Variants in SRGAP2C observed in about 807,000 individuals in gnomAD.
The protein encoded by SRGAP2C is SLIT-ROBO Rho GTPase-activating protein 2C.
A neutral mutation model predicts 25.1 loss-of-function variants in SRGAP2C; 15 were observed. The observed-to-expected ratio is 0.60, with a 90% CI of 0.40 to 0.92. The LOEUF (loss-of-function observed/expected upper bound fraction) is 0.92. Among genes scored for constraint, SRGAP2C ranks in the 40% least tolerant of loss-of-function variants. The pLI, the probability that SRGAP2C is intolerant of heterozygous loss-of-function variation, is 0.00. For missense variants in SRGAP2C, 144 were observed against 264.4 expected (o/e 0.54, Z 3.16); for synonymous variants, 44 against 96.6 (o/e 0.46, Z 3.19).
intron 3 of SRGAP2C, among the ~76,000 whole-genome samples, chr1:121,299,600 C>T (rs1286342325): frequency 2.5e-5 from 2 of 80,024 alleles, no homozygotes; most frequent in Non-Finnish European, 4.9e-5. Flanking sequence ...GGATGCTGAG[C>T]TGTGTTTGCT....
At chr1:121,273,641 T>C (rs587673207) in intron 2 of SRGAP2C, among the ~76,000 whole-genome samples, 1 of 151,738 alleles carries the variant, frequency 6.6e-6, no homozygotes, top group African/African-American at 2.4e-5. Flanking sequence ...GGATGATTGC[T>C]TGGTCTTGTG....
intron 2 of SRGAP2C, among the ~76,000 whole-genome samples, chr1:121,202,324 C>G (rs1553321813): frequency 6.6e-6 from 1 of 152,110 alleles, no homozygotes; most frequent in Non-Finnish European, 1.5e-5. Context: ...TTTCCTGTCC[C>G]CTCCCCTCCT....
At chr1:121,366,764 T>C (rs1659332935) in intron 5 of SRGAP2C, among the ~76,000 whole-genome samples, 1 of 151,656 alleles carries the variant, frequency 6.6e-6, no homozygotes, top group African/African-American at 2.4e-5. Flanking sequence ...TCTTTTATTT[T>C]CCTGTAAGCA....
At chr1:121,316,080 CT>C (rs1266201525) in intron 3 of SRGAP2C, among the ~76,000 whole-genome samples, 1 of 128,948 alleles carries the variant, frequency 7.8e-6, no homozygotes, top group Non-Finnish European at 1.6e-5. Context: ...TTTTTTTTCC[CT>C]CCTTTTCATT....
rs1553339392 is a variant in SRGAP2C at position 121,306,095 on chromosome 1, G to C, written c.261-18383G>C. The stretch of plus-strand genomic sequence containing the variant: ...GTCCTTTTCATATAGAGAAGGTAAG[G>C]CTGGGACCTCTGTGTCTGTGGGTAC... On this transcript the variant is annotated intron_variant, in intron 3 of 9. Transcript: ENST00000367123. 1.2e-4 allele frequency among the ~76,000 whole-genome samples: 18 copies of C among 152,282 alleles called. No individual in the cohort carries two copies. The South Asian group carries it at 3.5e-3, about 30-fold the overall frequency.
chr1:121,313,979 T>C lies in SRGAP2C; in HGVS notation c.261-10499T>C, dbSNP rs1395583454. Among the ~76,000 whole-genome samples the C allele has an allele frequency of 1.9e-4, 27 of 140,694 alleles. No individual in the cohort carries two copies. The South Asian group carries it at 3.3e-3, about 17-fold the overall frequency. 92.3% of individuals were successfully genotyped at this position (140,694 alleles called of 152,430 possible). A position where few individuals can be genotyped will look rare whatever the true frequency, so the allele number is the denominator to read the frequency against. The stretch of plus-strand genomic sequence containing the variant: ...TGAATCTGAACGTTGGCCTGCCTTG[T>C]TAGATTGGGGAAGTTCTCCTGGATA... On this transcript the variant is annotated intron_variant, in intron 3 of 9. Transcript: ENST00000367123.
At chr1:121,260,270 G>A (rs587705044) in intron 2 of SRGAP2C, among the ~76,000 whole-genome samples, 64 of 151,746 alleles carry the variant, frequency 4.2e-4, no homozygotes, top group African/African-American at 1.4e-3. Flanking sequence ...TGTAAGCCAC[G>A]TGGATATTGG....
intron 3 of SRGAP2C, among the ~76,000 whole-genome samples, chr1:121,303,250 CT>C (rs1289095306): frequency 3.2e-5 from 4 of 126,358 alleles, no homozygotes; most frequent in Non-Finnish European, 6.6e-5. Flanking sequence ...TAAGGAAGAG[CT>C]TTTCCATCAC....
chr1:121,293,215 T>C (rs1209018300), intron 3 of SRGAP2C, among the ~76,000 whole-genome samples: 1 of 87,582 alleles, frequency 1.1e-5, no homozygotes, highest in Admixed American at 1.1e-4. Flanking sequence ...GAACAAACGC[T>C]GATGGATAAC....
chr1:121,297,078 G>A (rs1553338399), intron 3 of SRGAP2C, among the ~76,000 whole-genome samples: 13 of 152,078 alleles, frequency 8.5e-5, no homozygotes, highest in African/African-American at 3.1e-4. Flanking sequence ...TTGCCCAGAT[G>A]TAGCACCTGG....
chr1:121,315,625 C>G (rs1658080736), intron 3 of SRGAP2C, among the ~76,000 whole-genome samples: 1 of 149,158 alleles, frequency 6.7e-6, no homozygotes, highest in South Asian at 2.1e-4. Context: ...GCACACAAGC[C>G]AATGGACATA....
At chr1:121,303,822 T>C (rs1657754195) in intron 3 of SRGAP2C, among the ~76,000 whole-genome samples, 1 of 152,060 alleles carries the variant, frequency 6.6e-6, no homozygotes, top group Non-Finnish European at 1.5e-5. Flanking sequence ...TCCTGTTCTC[T>C]GAACAGTGAG....
At chr1:121,278,265 ATAGAG>A (rs1400033184) in intron 2 of SRGAP2C, among the ~76,000 whole-genome samples, 1 of 151,438 alleles carries the variant, frequency 6.6e-6, no homozygotes, top group Non-Finnish European at 1.5e-5. Flanking sequence ...GCCTTACTTA[ATAGAG>A]TAAAGTAATG....
chr1:121,375,745 T>C (rs1659627752), intron 7 of SRGAP2C, among the ~76,000 whole-genome samples: 1 of 151,982 alleles, frequency 6.6e-6, no homozygotes, highest in South Asian at 2.1e-4. Flanking sequence ...ATTTAAGGTT[T>C]CTCGGTGTTA....
At chr1:121,265,064 G>T (rs1656737635) in intron 2 of SRGAP2C, among the ~76,000 whole-genome samples, 1 of 60,268 alleles carries the variant, frequency 1.7e-5, no homozygotes, top group Non-Finnish European at 3.0e-5. Context: ...GGGCATGGTG[G>T]CACACCATTG....
Position 121,390,715 on chromosome 1 carries a change from TTACC to T in SRGAP2C, c.*2863_*2866del, listed in dbSNP as rs1171561253. ...AGAAACTTGAAGCGATTTTTAAAAA[TTACC>T]TAACCCAACCTTCTCATTTGAAAAA... is the stretch of plus-strand genomic sequence containing the variant. On this transcript the variant is annotated 3_prime_UTR_variant, in exon 10 of 10. Coordinates refer to ENST00000367123, the MANE Select transcript of SRGAP2C (RefSeq NM_001329984.2). The T allele has an allele frequency of 1.5e-5, 2 of 130,294 alleles. No individual in the cohort carries two copies. The highest frequency in any genetic ancestry group is 3.2e-5 in the Non-Finnish European group (2 of 61,938). The allele number at this position is 130,294 out of a possible 1,614,324, so 8.1% of individuals were successfully genotyped here.
chr1:121,186,269 C>A (rs1422739046), intron 1 of SRGAP2C, among the ~76,000 whole-genome samples: 51 of 60,996 alleles, frequency 8.4e-4, no homozygotes, highest in African/African-American at 3.1e-3. Flanking sequence ...CCGCTCGCCG[C>A]CCCCCGGTTT....
rs587606697 is a variant in SRGAP2C, at chr1:121,212,321, G to A, written c.67+24808G>A. ...AATTTTTGTATTTTTTAGTAGAGAT[G>A]GGGTTTCACCATATTGGCCAGGCTG... On this transcript the variant is annotated intron_variant, in intron 2 of 9. Transcript: ENST00000367123. 4.6e-3 allele frequency among the ~76,000 whole-genome samples: 687 copies of A among 150,656 alleles called. 9 individuals carry two copies. The highest frequency in any genetic ancestry group is 0.016 in the African/African-American group (637 of 40,944).
rs1306867089 is a variant in SRGAP2C at position 121,324,419 on chromosome 1, T to C, written c.261-59T>C. 231 of 1,491,876 alleles carry C rather than the reference T, an allele frequency of 1.5e-4. No homozygotes were observed. In the African/African-American group the frequency reaches 2.9e-3, roughly 19 times the overall value. 92.4% of individuals were successfully genotyped at this position (1,491,876 alleles called of 1,614,324 possible). On this transcript the variant is annotated intron_variant, in intron 3 of 9. Transcript: ENST00000367123. ...GATTTTAGGACACGGACTATAGTTG[T>C]AGATGTTGCCCTGGCTGTGTATCAA...
Sources: gnomAD v4.1 joint callset for allele counts (sites outside exome capture counted in the v4.1 genomes callset) on GRCh38, gnomAD v4.1.1 for gene constraint, MANE v1.5 for transcripts, NCBI Gene and HGNC (gene_info 2026-07-23, HGNC 2026-07-21) for gene names.